The following NRXN3 variants were observed in gnomAD, a reference collection of about 807,000 sequenced individuals.
NRXN3 encodes neurexin 3.
In NRXN3, 32 loss-of-function variants were observed where a neutral mutation model predicts 137.6. The ratio of observed to expected loss-of-function variants is 0.23; its 90% CI spans 0.18 to 0.31. The LOEUF is 0.31. NRXN3 is among the 10% of genes least tolerant of loss of function. The pLI is 1.00. For synonymous variants in NRXN3, 798 were observed against 784.5 expected, an observed-to-expected ratio of 1.02 and a Z score of -0.29; for missense variants, 1,574 against 2,062.5, an observed-to-expected ratio of 0.76 and a Z score of 4.59.
intron 10 of NRXN3, among the ~76,000 whole-genome samples, chr14:78,835,055 A>G (rs1256926391): frequency 6.6e-6 from 1 of 151,812 alleles, no homozygotes; most frequent in East Asian, 1.9e-4. Flanking sequence ...TCACTCCTGT[A>G]TCTATCTACT....
chr14:79,471,017 CAAAG>C (rs1242158581), intron 16 of NRXN3, among the ~76,000 whole-genome samples: 18 of 143,854 alleles, frequency 1.3e-4, no homozygotes, highest in Admixed American at 1.2e-3. Context: ...GGAGAAGAGA[CAAAG>C]AAAGTTTGTA....
chr14:78,831,711 A>G (rs754217091), intron 10 of NRXN3, among the ~76,000 whole-genome samples: 1 of 151,992 alleles, frequency 6.6e-6, no homozygotes, highest in Non-Finnish European at 1.5e-5. Context: ...TGCTTTAGTA[A>G]TAGCAAAAAT....
At chr14:79,492,702 A>G (rs58351352) in intron 16 of NRXN3, among the ~76,000 whole-genome samples, 3,890 of 152,212 alleles carry the variant, frequency 0.026, 188 homozygotes, top group African/African-American at 0.089. Flanking sequence ...TTTCTAGAAT[A>G]CATTTATCAA....
At chr14:78,807,787 A>AAGAAAG (rs71131663) in intron 9 of NRXN3, among the ~76,000 whole-genome samples, 5 of 147,912 alleles carry the variant, frequency 3.4e-5, no homozygotes, top group African/African-American at 5.0e-5. Context: ...GAAAGAAAGA[A>AAGAAAG]AAAAACTTTC....
intron 4 of NRXN3, among the ~76,000 whole-genome samples, chr14:78,611,508 T>G (rs1183505667): frequency 6.6e-6 from 1 of 152,150 alleles, no homozygotes. Context: ...GCATGATGAC[T>G]TACAAGTTCC....
At chr14:78,639,329 C>T (rs1442278129) in intron 4 of NRXN3, among the ~76,000 whole-genome samples, 1 of 152,220 alleles carries the variant, frequency 6.6e-6, no homozygotes, top group Non-Finnish European at 1.5e-5. Flanking sequence ...AACAATTTCG[C>T]TGTGTCTCTG....
In NRXN3 at chr14:79,817,235, TAG is replaced by T. The variant is rs1430661431; in HGVS notation, c.4093+12049_4093+12050del. Among the ~76,000 whole-genome samples the T allele has an allele frequency of 5.9e-5, 9 of 152,150 alleles. No homozygotes were observed. The South Asian group carries it at 1.4e-3, about 25-fold the overall frequency. On this transcript the variant is annotated intron_variant, in intron 20 of 20. Coordinates refer to ENST00000335750, the MANE Select transcript of NRXN3 (RefSeq NM_001330195.2). ...ACCCAGCTAATTTTTGTATTTTTAG[TAG>T]AGACGGGGTTTTACCATGTTGGCCA...
intron 15 of NRXN3, among the ~76,000 whole-genome samples, chr14:79,152,917 C>T (rs1477272851): frequency 6.6e-6 from 1 of 151,824 alleles, no homozygotes; most frequent in Non-Finnish European, 1.5e-5. Context: ...GTTAGGAGAC[C>T]CTGAAATGAC....
chr14:79,575,142 C>T (rs1226991787), intron 16 of NRXN3, among the ~76,000 whole-genome samples: 2 of 152,134 alleles, frequency 1.3e-5, no homozygotes, highest in Non-Finnish European at 2.9e-5. Flanking sequence ...ATATTTCTCA[C>T]TGGAATTAGT....
intron 4 of NRXN3, among the ~76,000 whole-genome samples, chr14:78,372,340 C>T (rs1224801723): frequency 6.7e-6 from 1 of 149,962 alleles, no homozygotes; most frequent in Non-Finnish European, 1.5e-5. Flanking sequence ...TTTTAGGGTA[C>T]ATGCTTGTTT....
At chr14:79,773,905 G>T (rs1045763495) in intron 19 of NRXN3, among the ~76,000 whole-genome samples, 1 of 150,972 alleles carries the variant, frequency 6.6e-6, no homozygotes, top group Admixed American at 6.6e-5. Context: ...TCACCGGTAG[G>T]TTATAGACCT....
intron 16 of NRXN3, among the ~76,000 whole-genome samples, chr14:79,585,693 AC>A (rs67896877): frequency 0.062 from 6,995 of 113,096 alleles, 467 homozygotes; most frequent in Non-Finnish European, 0.099. Context: ...TAAAAAAAAA[AC>A]AAAAAAAAAA....
At chr14:78,316,490 C>T (rs2153553298) in intron 4 of NRXN3, among the ~76,000 whole-genome samples, 1 of 152,262 alleles carries the variant, frequency 6.6e-6, no homozygotes, top group East Asian at 1.9e-4. Context: ...CTTTACCTGC[C>T]TCTTTATCTG....
At chr14:79,560,504 C>CTTTTCTT (rs536703528) in intron 16 of NRXN3, among the ~76,000 whole-genome samples, 1,726 of 44,088 alleles carry the variant, frequency 0.039, 195 homozygotes, top group Middle Eastern at 0.087. Flanking sequence ...AGATTGTAAG[C>CTTTTCTT]TTTTTTTTTT....
intron 10 of NRXN3, among the ~76,000 whole-genome samples, chr14:78,868,720 C>T (rs996331779): frequency 6.6e-6 from 1 of 151,938 alleles, no homozygotes; most frequent in Non-Finnish European, 1.5e-5. Context: ...ACTCAGGAGC[C>T]TAAGGCAGGA....
chr14:78,410,907 T>A (rs1200463718), intron 4 of NRXN3, among the ~76,000 whole-genome samples: 1 of 152,212 alleles, frequency 6.6e-6, no homozygotes, highest in Non-Finnish European at 1.5e-5. Flanking sequence ...TTCTTGTCAG[T>A]GATTTCTTCC....
chr14:78,858,485 G>C (rs2099063577), intron 10 of NRXN3, among the ~76,000 whole-genome samples: 1 of 152,118 alleles, frequency 6.6e-6, no homozygotes, highest in African/African-American at 2.4e-5. Context: ...TAAAGATGAA[G>C]GTTGTCTAGG....
intron 6 of NRXN3, among the ~76,000 whole-genome samples, chr14:78,671,098 A>G (rs570413142): frequency 1.2e-4 from 18 of 152,346 alleles, no homozygotes; most frequent in Middle Eastern, 3.4e-3. Context: ...GAAGGCTTAA[A>G]AGGGAAAATT....
At chr14:79,530,401 G>A (rs763492734) in intron 16 of NRXN3, among the ~76,000 whole-genome samples, 13 of 152,002 alleles carry the variant, frequency 8.6e-5, no homozygotes, top group Non-Finnish European at 1.3e-4. Flanking sequence ...TATGAGTGGA[G>A]GGGTGGCTAT....
Sources: allele counts gnomAD v4.1 joint callset (sites outside exome capture counted in the v4.1 genomes callset), GRCh38; gene constraint gnomAD v4.1.1; transcripts MANE v1.5; gene names NCBI Gene and HGNC (gene_info 2026-07-23, HGNC 2026-07-21).